Variants in ARHGAP29 observed in about 807,000 individuals in gnomAD.
The protein encoded by ARHGAP29 is Rho GTPase activating protein 29.
In ARHGAP29, 43 loss-of-function variants were observed where a neutral mutation model predicts 122.6. The observed-to-expected ratio is 0.35, with a 90% confidence interval of 0.27 to 0.45. The LOEUF is 0.45. Ranked by LOEUF, ARHGAP29 falls within the 20% of genes least tolerant of loss-of-function variation. The pLI, the probability that ARHGAP29 is intolerant of heterozygous loss-of-function variation, is 1.00. For missense variants in ARHGAP29, 1,303 were observed against 1,477.2 expected, an observed-to-expected ratio of 0.88 and a Z score of 1.93; for synonymous variants, 506 against 497.1, an observed-to-expected ratio of 1.02 and a Z score of -0.24.
chr1:94,208,975 G>T, intron 4 of ARHGAP29, 71 bp from the exon 5 acceptor site: 1 of 1,363,140 alleles, frequency 7.3e-7, no homozygotes, highest in Non-Finnish European at 1.0e-6. Context: ...CATTCAACAT[G>T]TTATCTAAAA....
the ARHGAP29 span, among the ~76,000 whole-genome samples, chr1:94,310,649 C>T: frequency 4.6e-5 from 7 of 152,168 alleles, no homozygotes; most frequent in African/African-American, 1.7e-4. Context: ...TTGATTAATC[C>T]TACTTCCTTT....
rs767906728 is a variant in ARHGAP29, at chr1:94,208,933, C to T, written c.438-29G>A. The T allele has an allele frequency of 9.5e-6, 15 of 1,585,812 alleles. No homozygotes were observed. The East Asian group carries it at 1.6e-4, about 17-fold the overall frequency. On this transcript the variant is annotated intron_variant, in intron 4 of 22. Coordinates refer to ENST00000260526, the MANE Select transcript of ARHGAP29 (RefSeq NM_004815.4). The stretch of plus-strand genomic sequence containing the variant: ...TCCAAGGAGGTTAAAAAAAGAAAGA[C>T]AAGTCATTATACTTCTTTGTGACAG...
chr1:94,237,280 G>T, intron 1 of ARHGAP29, 135 bp downstream of exon 1: 3 of 570,464 alleles, frequency 5.3e-6, no homozygotes, highest in Non-Finnish European at 6.7e-6. Flanking sequence ...AGCGCAGCCT[G>T]CCACCGCTTC....
chr1:94,229,500 A>C (rs544455660), intron 2 of ARHGAP29, among the ~76,000 whole-genome samples: 5 of 151,752 alleles, frequency 3.3e-5, no homozygotes, highest in Admixed American at 2.0e-4. Context: ...TTTGATAACG[A>C]TATTTCAAAG....
At chr1:94,181,096 G>A (rs1178009645) in intron 19 of ARHGAP29, among the ~76,000 whole-genome samples, 1 of 152,148 alleles carries the variant, frequency 6.6e-6, no homozygotes, top group East Asian at 1.9e-4. Context: ...GAATAGGAGA[G>A]GAGACAAAAG....
At position 94,189,979 on chromosome 1, in the gene ARHGAP29, C is replaced by G; in HGVS notation, c.1386G>C (p.Glu462Asp). Residue 462 changes from glutamate (E) to aspartate (D), a missense_variant, in exon 13 of 23, where the codon GAG becomes GAC. By Grantham distance (45) the Glu-to-Asp change is conservative. This residue lies in a region of ARHGAP29 where 592 missense variants were observed against 648.2 expected (regional missense o/e 0.91). Coordinates refer to ENST00000260526, the MANE Select transcript of ARHGAP29 (RefSeq NM_004815.4). ...TTGTGGCCTTGACAAATTCACTGTA[C>G]TCTTGGCCTGGGTCATAGAGTTTGG... ...DSAKLYDPGQ[E>D]YSEFVKATNS... 6.2e-7 allele frequency: 1 copy of G among 1,613,480 alleles called. No homozygotes were observed. Among genetic ancestry groups the G allele is most frequent in the East Asian group, 2.2e-5 (1 of 44,862 alleles).
intron 14 of ARHGAP29, 35 bp downstream of exon 14, chr1:94,189,181 T>C (rs780728805): frequency 3.8e-5 from 59 of 1,567,752 alleles, no homozygotes; most frequent in Non-Finnish European, 5.1e-5. Flanking sequence ...CCTGACCTTT[T>C]ATAAATTAGC....
chr1:94,241,584 TCC>T (rs1653573207), upstream of ARHGAP29, among the ~76,000 whole-genome samples: 1 of 150,072 alleles, frequency 6.7e-6, no homozygotes, highest in Non-Finnish European at 1.5e-5. Context: ...ACCACTGCAC[TCC>T]AGCTTGGGCA....
At chr1:94,261,774 A>T (rs1654564910) in intron 1 of ARHGAP29, among the ~76,000 whole-genome samples, 1 of 152,216 alleles carries the variant, frequency 6.6e-6, no homozygotes, top group African/African-American at 2.4e-5. Flanking sequence ...CAAATGGAAA[A>T]ACATCTCATG....
In ARHGAP29 at chr1:94,174,512, C is replaced by T. The variant is rs1648963946; in HGVS notation, c.3143G>A (p.Cys1048Tyr). Residue 1048 changes from cysteine to tyrosine, a missense_variant, in exon 23 of 23, where the codon TGC becomes TAC. Around this residue, in one of 3 missense-constraint regions of ARHGAP29, gnomAD observed 620 missense variants for 651.2 expected, o/e 0.95. Coordinates refer to ENST00000260526, the MANE Select transcript of ARHGAP29 (RefSeq NM_004815.4). ...AACTCCTTCAAAGGCAGGATTCTTG[C>T]AAAACTTGTCTAAATTTACATTTCC... The part of the protein sequence containing the change: ...NMGNVNLDKF[C>Y]KNPAFEGVNR... 6.2e-7 allele frequency: 1 copy of T among 1,614,060 alleles called. No homozygotes were observed. Among genetic ancestry groups the T allele is most frequent in the African/African-American group, 1.3e-5 (1 of 74,928 alleles).
At chr1:94,180,042 A>G (rs1275419905) in intron 19 of ARHGAP29, 85 bp from the exon 20 acceptor site, 1 of 874,848 alleles carries the variant, frequency 1.1e-6, no homozygotes. Flanking sequence ...AGAGTGATTT[A>G]GCATGTCCCT....
chr1:94,187,448 C>T (rs1649879796), intron 15 of ARHGAP29, among the ~76,000 whole-genome samples: 1 of 152,126 alleles, frequency 6.6e-6, no homozygotes, highest in South Asian at 2.1e-4. Context: ...TGTATTACTC[C>T]ATTTTATAAC....
At chr1:94,222,130 A>G (rs1652337037) in intron 2 of ARHGAP29, among the ~76,000 whole-genome samples, 2 of 152,224 alleles carry the variant, frequency 1.3e-5, no homozygotes, top group African/African-American at 4.8e-5. Context: ...CCTAAAGTAT[A>G]TAACAAATGT....
At chr1:94,218,707 C>T (rs908668034) in intron 3 of ARHGAP29, among the ~76,000 whole-genome samples, 5 of 152,112 alleles carry the variant, frequency 3.3e-5, no homozygotes, top group Admixed American at 2.0e-4. Flanking sequence ...CCATGTTTCC[C>T]ATTTAAAAAT....
chr1:94,221,254 C>T (rs1652274963), intron 2 of ARHGAP29, among the ~76,000 whole-genome samples: 2 of 152,140 alleles, frequency 1.3e-5, no homozygotes, highest in South Asian at 2.1e-4. Context: ...TATAATCACC[C>T]TACCTTTAAA....
chr1:94,193,757 T>C (rs1353269735), intron 12 of ARHGAP29: 1 of 152,174 alleles, frequency 6.6e-6, no homozygotes, highest in Non-Finnish European at 1.5e-5. Flanking sequence ...ACCAAGTGAA[T>C]CCATTACCAG....
chr1:94,225,096 CTAA>C (rs1652540424), intron 2 of ARHGAP29, among the ~76,000 whole-genome samples: 2 of 152,256 alleles, frequency 1.3e-5, no homozygotes, highest in South Asian at 2.1e-4. Context: ...TGAGCATGTC[CTAA>C]TAATATTTCA....
chr1:94,196,143 T>C lies in ARHGAP29; in HGVS notation c.1281+5577A>G, dbSNP rs1001165752. 1.3e-4 allele frequency among the ~76,000 whole-genome samples: 20 copies of C among 151,538 alleles called. No individual in the cohort carries two copies. In the East Asian group the frequency reaches 3.7e-3, roughly 28 times the overall value. Reference sequence around the variant, plus strand: ...AACAACAGGAACCAATTGATATTTATAAAACACTCCAGTCAACAACAGAAC... The same window carrying C: ...AACAACAGGAACCAATTGATATTTACAAAACACTCCAGTCAACAACAGAAC... On this transcript the variant is annotated intron_variant, in intron 12 of 22. Transcript: ENST00000260526.
chr1:94,272,732 G>A (rs746642809), intron 1 of ARHGAP29, among the ~76,000 whole-genome samples: 4 of 152,090 alleles, frequency 2.6e-5, no homozygotes, highest in Non-Finnish European at 4.4e-5. Context: ...CTCCTTCCAC[G>A]GAGGTCAGAC....
Sources: allele counts gnomAD v4.1 joint callset (sites outside exome capture counted in the v4.1 genomes callset), GRCh38; gene constraint gnomAD v4.1.1; regional missense constraint gnomAD v4.1.1; transcripts MANE v1.5; gene names NCBI Gene and HGNC (gene_info 2026-07-23, HGNC 2026-07-21).